XKR6: variants seen among roughly 807,000 people sequenced by gnomAD.
XKR6 encodes the protein XK-related protein 6.
Under a neutral mutation model 56.7 loss-of-function variants are expected in XKR6, and 22 were observed. That is an observed-to-expected ratio of 0.39 (90% confidence interval 0.28 to 0.55). XKR6 has a LOEUF of 0.55. XKR6 is among the 20% of genes least tolerant of loss of function. The pLI, the probability that XKR6 is intolerant of heterozygous loss-of-function variation, is 0.66. For missense variants in XKR6, 852 were observed against 889.0 expected (o/e 0.96, Z 0.53); for synonymous variants, 524 against 387.8 (o/e 1.35, Z -4.13).
At chr8:11,103,431 C>A (rs2129176784) in intron 1 of XKR6, among the ~76,000 whole-genome samples, 1 of 152,280 alleles carries the variant, frequency 6.6e-6, no homozygotes, top group East Asian at 1.9e-4. Context: ...GTCCCAGAGC[C>A]ACATAGTTGC....
At chr8:11,156,389 A>G (rs560028976) in intron 1 of XKR6, among the ~76,000 whole-genome samples, 1 of 152,154 alleles carries the variant, frequency 6.6e-6, no homozygotes, top group Non-Finnish European at 1.5e-5. Flanking sequence ...CATGCAACAC[A>G]TCCTATTCTA....
chr8:11,199,636 G>C (rs1028937108), intron 1 of XKR6, among the ~76,000 whole-genome samples: 4 of 152,226 alleles, frequency 2.6e-5, no homozygotes, highest in Admixed American at 2.6e-4. Flanking sequence ...GATGTACCCA[G>C]GTGTGAATGG....
intron 1 of XKR6, among the ~76,000 whole-genome samples, chr8:11,177,888 A>T (rs1356142206): frequency 6.6e-6 from 1 of 152,208 alleles, no homozygotes; most frequent in Non-Finnish European, 1.5e-5. Flanking sequence ...TTGTGATGGT[A>T]GTCCCAGGAG....
chr8:11,168,924 T>A (rs1283667235), intron 1 of XKR6, among the ~76,000 whole-genome samples: 1 of 152,202 alleles, frequency 6.6e-6, no homozygotes, highest in Non-Finnish European at 1.5e-5. Context: ...GTGGGCTCTG[T>A]TGGGTTCCTG....
intron 1 of XKR6, among the ~76,000 whole-genome samples, chr8:11,022,645 C>G (rs1023709984): frequency 2.0e-5 from 3 of 152,178 alleles, no homozygotes; most frequent in African/African-American, 7.2e-5. Flanking sequence ...CTACGACCCA[C>G]AGAAGGGTGA....
rs148045782 is a variant in XKR6, at chr8:10,994,664, T to C, written c.765-69834A>G. On this transcript the variant is annotated intron_variant, in intron 1 of 2. Transcript: ENST00000416569. ...ACTAATGTGCATTGAGTGTGTACTC[T>C]CCACTTATCTGCTTCTTACTCCATT... 8.6e-3 allele frequency among the ~76,000 whole-genome samples: 1,305 copies of C among 152,324 alleles called. 16 individuals are homozygous for C. The highest frequency in any genetic ancestry group is 0.033 in the South Asian group (157 of 4,828).
At chr8:11,110,366 G>A (rs1798842602) in intron 1 of XKR6, among the ~76,000 whole-genome samples, 1 of 152,120 alleles carries the variant, frequency 6.6e-6, no homozygotes, top group Non-Finnish European at 1.5e-5. Flanking sequence ...AGGAGCCAGG[G>A]GTATTGGGGT....
At chr8:10,918,364 T>C (rs1800620532) in intron 2 of XKR6, among the ~76,000 whole-genome samples, 1 of 152,204 alleles carries the variant, frequency 6.6e-6, no homozygotes, top group Admixed American at 6.5e-5. Flanking sequence ...GCAGAGACTT[T>C]GGGGACAAGA....
At chr8:11,174,473 G>C (rs1391032122) in intron 1 of XKR6, among the ~76,000 whole-genome samples, 1 of 152,220 alleles carries the variant, frequency 6.6e-6, no homozygotes, top group Non-Finnish European at 1.5e-5. Flanking sequence ...CCAACACTGG[G>C]AGCTGCCAGC....
chr8:11,075,701 C>T (rs1182438120), intron 1 of XKR6, among the ~76,000 whole-genome samples: 1 of 152,074 alleles, frequency 6.6e-6, no homozygotes, highest in African/African-American at 2.4e-5. Context: ...TGGCTAACCC[C>T]GCCTCTACTA....
intron 1 of XKR6, among the ~76,000 whole-genome samples, chr8:10,974,403 G>T (rs904267288): frequency 6.6e-6 from 1 of 152,190 alleles, no homozygotes; most frequent in Admixed American, 6.5e-5. Flanking sequence ...CCAGGTGAGG[G>T]CAACAGAGTT....
At chr8:11,050,413 G>C (rs1005861734) in intron 1 of XKR6, among the ~76,000 whole-genome samples, 1 of 152,084 alleles carries the variant, frequency 6.6e-6, no homozygotes, top group African/African-American at 2.4e-5. Context: ...TGGTCTCGGA[G>C]ATCCCTTCCA....
intron 2 of XKR6, among the ~76,000 whole-genome samples, chr8:10,906,138 G>C (rs1800183982): frequency 6.6e-6 from 1 of 152,198 alleles, no homozygotes. Context: ...GCTGGAGCTG[G>C]CCAATTCTTA....
At chr8:10,970,296 C>A (rs1013300026) in intron 1 of XKR6, among the ~76,000 whole-genome samples, 3 of 152,186 alleles carry the variant, frequency 2.0e-5, no homozygotes, top group African/African-American at 7.2e-5. Context: ...GGGATGGGTA[C>A]TGAGGTCGCG....
chr8:10,940,759 AC>A lies in XKR6; in HGVS notation c.765-15930del, dbSNP rs145681023. Among the ~76,000 whole-genome samples the A allele has an allele frequency of 6.2e-3, 944 of 152,208 alleles. 12 individuals carry two copies. The highest frequency in any genetic ancestry group is 0.022 in the African/African-American group (907 of 41,530). ...CAACCTGTACGCGACAACCAGCTGT[AC>A]CCCGAGATGTCACACACATCCCCTT... is the stretch of plus-strand genomic sequence containing the variant. On this transcript the variant is annotated intron_variant, in intron 1 of 2. Coordinates refer to ENST00000416569, the MANE Select transcript of XKR6 (RefSeq NM_173683.4).
chr8:11,164,413 G>A (rs980222084), intron 1 of XKR6, among the ~76,000 whole-genome samples: 5 of 152,044 alleles, frequency 3.3e-5, no homozygotes, highest in East Asian at 3.8e-4. Context: ...CAGTTTCATC[G>A]CCCCTGCATT....
Position 11,050,809 on chromosome 8 carries a change from G to A in XKR6, c.765-125979C>T, listed in dbSNP as rs189600047. Among the ~76,000 whole-genome samples, 429 of 151,894 alleles carry A rather than the reference G, an allele frequency of 2.8e-3. 1 individual carries two copies. The highest frequency in any genetic ancestry group is 5.4e-3 in the South Asian group (26 of 4,784). On this transcript the variant is annotated intron_variant, in intron 1 of 2. Coordinates refer to ENST00000416569, the MANE Select transcript of XKR6 (RefSeq NM_173683.4). ...GGATGACCATGTCCCCAGAACCATTGGCCCCATTCCTCAACACCTATCCCC... is the reference window on the plus strand; with the variant it reads ...GGATGACCATGTCCCCAGAACCATTAGCCCCATTCCTCAACACCTATCCCC...
At chr8:11,155,476 A>T (rs1195905831) in intron 1 of XKR6, among the ~76,000 whole-genome samples, 1 of 152,232 alleles carries the variant, frequency 6.6e-6, no homozygotes, top group African/African-American at 2.4e-5. Flanking sequence ...ACAGTTGTGC[A>T]TTATCTTCAG....
intron 1 of XKR6, among the ~76,000 whole-genome samples, chr8:11,015,484 C>T (rs1798597713): frequency 6.6e-6 from 1 of 152,212 alleles, no homozygotes; most frequent in African/African-American, 2.4e-5. Flanking sequence ...CACCCCCCAC[C>T]CCCACCTCGG....
Sources: gnomAD v4.1 joint callset for allele counts (sites outside exome capture counted in the v4.1 genomes callset) on GRCh38, gnomAD v4.1.1 for gene constraint, MANE v1.5 for transcripts, NCBI Gene and HGNC (gene_info 2026-07-23, HGNC 2026-07-21) for gene names.